Variants in HMCN1 observed in about 807,000 individuals in gnomAD.
HMCN1 encodes the protein hemicentin-1.
Under a neutral mutation model 625.9 loss-of-function variants are expected in HMCN1, and 321 were observed. The observed-to-expected ratio is 0.51, with a 90% CI of 0.47 to 0.56. The LOEUF (loss-of-function observed/expected upper bound fraction) is 0.56. Ranked by LOEUF, HMCN1 falls within the 20% of genes least tolerant of loss-of-function variation. The pLI, the probability that HMCN1 is intolerant of heterozygous loss-of-function variation, is 0.00. For missense variants in HMCN1, 6,588 were observed against 6,887.3 expected (o/e 0.96, Z 1.54); for synonymous variants, 2,425 against 2,417.6 (o/e 1.00, Z -0.09).
chr1:186,117,464 C>A lies in HMCN1; in HGVS notation c.11689C>A (p.Pro3897Thr). 6.2e-7 allele frequency: 1 copy of A among 1,613,636 alleles called. No individual in the cohort carries two copies. Among genetic ancestry groups the A allele is most frequent in the Non-Finnish European group, 8.5e-7 (1 of 1,179,740 alleles). ...RTVDLTVQVP[P>T]SIADEPTDFL... is the part of the protein sequence containing the mutation. The stretch of plus-strand genomic sequence containing the variant: ...TGTTGTTGTTGTTGTTTTAGTTCCA[C>A]CTTCCATAGCTGATGAGCCTACAGA... Residue 3897 changes from proline (P) to threonine (T), a missense_variant, in exon 77 of 107, where the codon CCT becomes ACT. This residue lies in a region of HMCN1 where 4,628 missense variants were observed against 4,853.1 expected (regional missense o/e 0.95). Coordinates refer to ENST00000271588, the MANE Select transcript of HMCN1 (RefSeq NM_031935.3).
At chr1:185,852,577 T>C (rs1464697593) in intron 2 of HMCN1, among the ~76,000 whole-genome samples, 3 of 135,516 alleles carry the variant, frequency 2.2e-5, no homozygotes, top group Admixed American at 7.6e-5. Flanking sequence ...ACAAATATCC[T>C]ACACACACAC....
Position 186,130,088 on chromosome 1 carries a change from G to A in HMCN1, c.13027G>A (p.Val4343Ile), listed in dbSNP as rs766695779. ...SVGFVKAIGF[V>I]YVKEPPVFKG... ...TGGCTTTGTGAAGGCAATTGGATTT[G>A]TTTATGTGAAAGGTAGGGAAAAGCG... is the stretch of plus-strand genomic sequence containing the variant. Residue 4343 changes from valine to isoleucine, a missense_variant, in exon 84 of 107, where the codon GTT becomes ATT. By Grantham distance (29) the Val-to-Ile change is conservative. This residue lies in a region of HMCN1 where 1,954 missense variants were observed against 2,013.1 expected (regional missense o/e 0.97). Coordinates refer to ENST00000271588, the MANE Select transcript of HMCN1 (RefSeq NM_031935.3). The A allele has an allele frequency of 1.2e-6, 2 of 1,613,054 alleles. No individual in the cohort carries two copies. Among genetic ancestry groups the A allele is most frequent in the Non-Finnish European group, 1.7e-6 (2 of 1,179,276 alleles).
At chr1:185,969,441 G>A (rs769317663) in intron 14 of HMCN1, among the ~76,000 whole-genome samples, 8 of 152,072 alleles carry the variant, frequency 5.3e-5, no homozygotes, top group Admixed American at 1.3e-4. Context: ...TTGTTGCCCC[G>A]AGTCTGTTGG....
chr1:186,184,995 T>G (rs1653190729), intron 105 of HMCN1, among the ~76,000 whole-genome samples: 1 of 152,142 alleles, frequency 6.6e-6, no homozygotes, highest in African/African-American at 2.4e-5. Flanking sequence ...GAGAGAATGC[T>G]TCACCCTGAG....
At chr1:186,036,595 C>CA (rs1458488940) in intron 36 of HMCN1, among the ~76,000 whole-genome samples, 1 of 145,138 alleles carries the variant, frequency 6.9e-6, no homozygotes, top group Non-Finnish European at 1.5e-5. Flanking sequence ...AGTATTTTTT[C>CA]TTTTTTTTTT....
Position 186,082,883 on chromosome 1 carries a change from A to G in HMCN1, c.8806A>G (p.Thr2936Ala). ...RILQILNTQI[T>A]DIGRYVCVAE... ...CCCTTAGATTCTGAATACTCAAATA[A>G]CAGATATCGGCAGGTATGTGTGTGT... The change falls in exon 57 of 107, where the codon ACA becomes GCA. Residue 2936 changes from threonine (T) to alanine (A), a missense_variant. Physicochemically the swap from Thr to Ala is moderately conservative, Grantham distance 58. Transcript: ENST00000271588. 6.3e-7 allele frequency: 1 copy of G among 1,583,754 alleles called. No homozygotes were observed. Among genetic ancestry groups the G allele is most frequent in the South Asian group, 1.2e-5 (1 of 85,032 alleles).
rs770505068 is a variant in HMCN1, at chr1:186,065,286, A to C, written c.7562A>C (p.Gln2521Pro). ...TGGCACAAAGATGGGCAGCCCCTCC[A>C]AGAAGATGAAGCCCATCACATTATA... The part of the protein sequence containing the change: ...ITWHKDGQPL[Q>P]EDEAHHIISG... Residue 2521 changes from glutamine to proline, a missense_variant, in exon 49 of 107, where the codon CAA becomes CCA. Gln to Pro is a moderately conservative substitution (Grantham distance 76). Transcript: ENST00000271588. 1 of 1,612,546 alleles carries C rather than the reference A, an allele frequency of 6.2e-7. No homozygotes were observed. The highest frequency in any genetic ancestry group is 1.3e-5 in the African/African-American group (1 of 74,888).
At chr1:186,045,319 A>C (rs527363040) in intron 40 of HMCN1, among the ~76,000 whole-genome samples, 1 of 152,304 alleles carries the variant, frequency 6.6e-6, no homozygotes, top group Non-Finnish European at 1.5e-5. Context: ...ATTACAAATA[A>C]ATATTGAATG....
At chr1:185,997,154 ATGAC>A (rs937256291) in intron 24 of HMCN1, among the ~76,000 whole-genome samples, 2 of 152,096 alleles carry the variant, frequency 1.3e-5, no homozygotes, top group Admixed American at 6.6e-5. Flanking sequence ...AGAAAGAAAA[ATGAC>A]TGGGTGGACC....
At chr1:186,116,184 G>A (rs546797498) in intron 75 of HMCN1, among the ~76,000 whole-genome samples, 1 of 152,232 alleles carries the variant, frequency 6.6e-6, no homozygotes. Context: ...TGACTTGAAA[G>A]TATACACTGT....
intron 36 of HMCN1, among the ~76,000 whole-genome samples, chr1:186,024,535 A>G (rs974152381): frequency 2.0e-5 from 3 of 152,150 alleles, no homozygotes; most frequent in Non-Finnish European, 4.4e-5. Context: ...GTGGGATACA[A>G]TGGCATGATA....
intron 37 of HMCN1, among the ~76,000 whole-genome samples, chr1:186,038,329 G>A (rs946285633): frequency 1.3e-5 from 2 of 152,122 alleles, no homozygotes; most frequent in Non-Finnish European, 2.9e-5. Flanking sequence ...CATCTATGCT[G>A]AAACTTTTTT....
At position 186,172,138 on chromosome 1, in the gene HMCN1, G is replaced by A. The variant is rs772856984; in HGVS notation, c.15814+7G>A. ...GAAAATGGAACCTGTATTGGTGAGT[G>A]TCTGGCTGTTTCCGTGACTGAGATC... On this transcript the variant is annotated splice_region_variant and intron_variant, in intron 102 of 106. Transcript: ENST00000271588. 9 of 1,613,548 alleles carry A rather than the reference G, an allele frequency of 5.6e-6. No homozygotes were observed. The highest frequency in any genetic ancestry group is 7.6e-6 in the Non-Finnish European group (9 of 1,179,562).
At chr1:185,999,705 C>T (rs1653044487) in intron 25 of HMCN1, among the ~76,000 whole-genome samples, 1 of 152,070 alleles carries the variant, frequency 6.6e-6, no homozygotes, top group Non-Finnish European at 1.5e-5. Context: ...CTAAAACTCT[C>T]CCCACATCCA....
rs1430639030 is a variant in HMCN1 at position 185,889,127 on chromosome 1, T to G, written c.622-20210T>G. ...TCTCTGTTTGTCTGTTGTTGGTGTA[T>G]AGGAATGCTTGTGATTTTTGCACAT... On this transcript the variant is annotated intron_variant, in intron 4 of 106. Coordinates refer to ENST00000271588, the MANE Select transcript of HMCN1 (RefSeq NM_031935.3). Among the ~76,000 whole-genome samples, 17 of 144,002 alleles carry G rather than the reference T, an allele frequency of 1.2e-4. No homozygotes were observed. The East Asian group carries it at 3.1e-3, about 26-fold the overall frequency. The allele number at this position is 144,002 out of a possible 152,430, so 94.5% of individuals were successfully genotyped here.
Position 186,101,324 on chromosome 1 carries a change from A to T in HMCN1, c.10574-2148A>T, listed in dbSNP as rs573061752. Among the ~76,000 whole-genome samples, 7 of 152,232 alleles carry T rather than the reference A, an allele frequency of 4.6e-5. No homozygotes were observed. The South Asian group carries it at 1.5e-3, about 32-fold the overall frequency. ...GAAGAAGGTATCAAGCATGACTCTTAGTTTCTGGCTTATGTGACTAATTGG... is the reference window on the plus strand; with the variant it reads ...GAAGAAGGTATCAAGCATGACTCTTTGTTTCTGGCTTATGTGACTAATTGG... On this transcript the variant is annotated intron_variant, in intron 68 of 106. Coordinates refer to ENST00000271588, the MANE Select transcript of HMCN1 (RefSeq NM_031935.3).
chr1:185,921,354 C>T (rs1193953430), intron 6 of HMCN1, among the ~76,000 whole-genome samples: 6 of 152,116 alleles, frequency 3.9e-5, no homozygotes, highest in Middle Eastern at 3.2e-3. Flanking sequence ...TCTTCTCTTC[C>T]TTCTTCTCCA....
intron 14 of HMCN1, among the ~76,000 whole-genome samples, chr1:185,968,951 A>C (rs1650612381): frequency 6.6e-6 from 1 of 152,174 alleles, no homozygotes; most frequent in African/African-American, 2.4e-5. Flanking sequence ...AGTTTTTTCC[A>C]ATTTATATTT....
chr1:185,952,194 C>CT (rs910450703), intron 11 of HMCN1, among the ~76,000 whole-genome samples: 1 of 151,534 alleles, frequency 6.6e-6, no homozygotes, highest in Non-Finnish European at 1.5e-5. Flanking sequence ...CTCCAGCCAC[C>CT]TTTTTAAGGG....
Sources: gnomAD v4.1 joint callset for allele counts (sites outside exome capture counted in the v4.1 genomes callset) on GRCh38, gnomAD v4.1.1 for gene constraint, gnomAD v4.1.1 regional missense constraint, MANE v1.5 for transcripts, NCBI Gene and HGNC (gene_info 2026-07-23, HGNC 2026-07-21) for gene names.